The following GRIP1 variants were observed in gnomAD, a reference collection of about 807,000 sequenced individuals.
GRIP1 encodes the protein glutamate receptor-interacting protein 1.
A neutral mutation model predicts 129.9 loss-of-function variants in GRIP1; 45 were observed. The observed-to-expected ratio is 0.35, with a 90% confidence interval of 0.27 to 0.44. The LOEUF (loss-of-function observed/expected upper bound fraction) is 0.44. Ranked by LOEUF, GRIP1 falls within the 20% of genes least tolerant of loss-of-function variation. GRIP1 has a pLI of 1.00. For synonymous variants in GRIP1, 530 were observed against 520.8 expected (o/e 1.02, Z -0.24); for missense variants, 1,196 against 1,396.8 (o/e 0.86, Z 2.29).
At chr12:67,059,262 T>G (rs1034703830) in intron 1 of GRIP1, among the ~76,000 whole-genome samples, 2 of 152,170 alleles carry the variant, frequency 1.3e-5, no homozygotes, top group African/African-American at 4.8e-5. Flanking sequence ...AGAAAAGGCC[T>G]CGGTAGAAGG....
At chr12:66,425,524 G>A (rs540718599) in intron 14 of GRIP1, among the ~76,000 whole-genome samples, 5 of 152,114 alleles carry the variant, frequency 3.3e-5, no homozygotes, top group African/African-American at 4.8e-5. Flanking sequence ...ACATGCACAC[G>A]TATGTTTATT....
intron 1 of GRIP1, among the ~76,000 whole-genome samples, chr12:67,024,104 A>T (rs1349334230): frequency 6.6e-6 from 1 of 151,206 alleles, no homozygotes; most frequent in Non-Finnish European, 1.5e-5. Context: ...ACACTTGGGG[A>T]TCTTTGAATC....
intron 1 of GRIP1, among the ~76,000 whole-genome samples, chr12:66,650,721 C>A (rs1025923321): frequency 6.6e-6 from 1 of 152,154 alleles, no homozygotes; most frequent in African/African-American, 2.4e-5. Flanking sequence ...GAGCATAGGA[C>A]TGGCCAACCC....
chr12:66,448,330 C>T (rs2058688154), intron 11 of GRIP1, among the ~76,000 whole-genome samples: 1 of 152,140 alleles, frequency 6.6e-6, no homozygotes, highest in African/African-American at 2.4e-5. Flanking sequence ...AAATTCTATC[C>T]ATTGCTAAAT....
Position 66,925,585 on chromosome 12 carries a change from C to T in GRIP1, c.58+143465G>A, listed in dbSNP as rs565789525. Among the ~76,000 whole-genome samples the T allele has an allele frequency of 1.1e-4, 17 of 152,190 alleles. No individual in the cohort carries two copies. In the South Asian group the frequency reaches 3.3e-3, roughly 30 times the overall value. ...ATTTCCAAACCTGGAGAATATACTA[C>T]GAATATAGATTATACTATAATCTAC... is the stretch of plus-strand genomic sequence containing the variant. On this transcript the variant is annotated intron_variant, in intron 1 of 1. Transcript: ENST00000643019.
intron 1 of GRIP1, among the ~76,000 whole-genome samples, chr12:67,050,410 G>A (rs929497644): frequency 4.6e-5 from 7 of 152,136 alleles, no homozygotes; most frequent in Admixed American, 3.9e-4. Context: ...GTAATTCATT[G>A]TTTAAGGGCA....
At chr12:66,592,346 C>T (rs2063878278) in intron 2 of GRIP1, among the ~76,000 whole-genome samples, 1 of 152,146 alleles carries the variant, frequency 6.6e-6, no homozygotes, top group South Asian at 2.1e-4. Flanking sequence ...CTTCCAAATA[C>T]CTAAATGTGA....
chr12:66,578,219 T>C (rs1008043878), intron 2 of GRIP1, among the ~76,000 whole-genome samples: 2 of 118,962 alleles, frequency 1.7e-5, no homozygotes, highest in African/African-American at 6.3e-5. Context: ...CTGACTAATA[T>C]GGCAAAACCG....
intron 1 of GRIP1, among the ~76,000 whole-genome samples, chr12:67,027,604 C>T (rs2042958940): frequency 6.6e-6 from 1 of 152,146 alleles, no homozygotes; most frequent in African/African-American, 2.4e-5. Flanking sequence ...TGATTAGAAG[C>T]ACAGAGTGCA....
intron 1 of GRIP1, among the ~76,000 whole-genome samples, chr12:66,963,542 T>C (rs997166894): frequency 1.3e-5 from 2 of 152,198 alleles, no homozygotes; most frequent in Admixed American, 6.5e-5. Flanking sequence ...AGCTAGAATC[T>C]GAACTACATA....
At position 66,596,995 on chromosome 12, in the gene GRIP1, G is replaced by A. The variant is rs1440666203; in HGVS notation, c.56-68C>T. 1.8e-5 allele frequency: 19 copies of A among 1,034,756 alleles called. No homozygotes were observed. The African/African-American group carries it at 1.9e-4, about 10-fold the overall frequency. 64.1% of individuals were successfully genotyped at this position (1,034,756 alleles called of 1,614,324 possible). A position where few individuals can be genotyped will look rare whatever the true frequency, so the allele number is the denominator to read the frequency against. The stretch of plus-strand genomic sequence containing the variant: ...TTCTAATGCAGTGAAGATTTTTAAC[G>A]GATTGCAATCCTTCTGCGAGAGAGA... On this transcript the variant is annotated intron_variant, in intron 1 of 24. Transcript: ENST00000359742.
chr12:66,775,359 A>T (rs1007006317), intron 1 of GRIP1, among the ~76,000 whole-genome samples: 1 of 152,230 alleles, frequency 6.6e-6, no homozygotes, highest in Non-Finnish European at 1.5e-5. Flanking sequence ...AGGAGTCATC[A>T]GTTGGCATCT....
At chr12:66,515,595 C>A in intron 7 of GRIP1, 24 bp downstream of exon 7, 1 of 1,606,120 alleles carries the variant, frequency 6.2e-7, no homozygotes, top group Non-Finnish European at 8.5e-7. Context: ...GCTTAGAGAT[C>A]ACACCCTCAG....
At chr12:66,595,810 A>G (rs1466116409) in intron 2 of GRIP1, among the ~76,000 whole-genome samples, 1 of 152,234 alleles carries the variant, frequency 6.6e-6, no homozygotes, top group African/African-American at 2.4e-5. Context: ...AATGAATCTG[A>G]GCCTTTGGAA....
intron 7 of GRIP1, among the ~76,000 whole-genome samples, chr12:66,506,601 A>C (rs545029672): frequency 6.6e-5 from 10 of 152,316 alleles, no homozygotes; most frequent in African/African-American, 2.4e-4. Context: ...ACCTCGATGG[A>C]GAACACATAA....
At chr12:66,618,272 G>T (rs539360458) in intron 1 of GRIP1, among the ~76,000 whole-genome samples, 2 of 152,310 alleles carry the variant, frequency 1.3e-5, no homozygotes, top group Non-Finnish European at 2.9e-5. Flanking sequence ...GTGCAGAGCA[G>T]TGTGCATATG....
Position 66,620,288 on chromosome 12 carries a change from C to T in GRIP1, c.56-23361G>A, listed in dbSNP as rs1056645146. On this transcript the variant is annotated intron_variant, in intron 1 of 24. Coordinates refer to ENST00000359742, the MANE Select transcript of GRIP1 (RefSeq NM_001366722.1). Reference sequence around the variant, plus strand: ...CCTAAAGGTATTTTGATGATTTCTGCCAATGATCTGCTGAGGGAGCTCTCA... The same window carrying T: ...CCTAAAGGTATTTTGATGATTTCTGTCAATGATCTGCTGAGGGAGCTCTCA... Among the ~76,000 whole-genome samples, 28 of 152,174 alleles carry T rather than the reference C, an allele frequency of 1.8e-4. 1 individual carries two copies. The highest frequency in any genetic ancestry group is 6.0e-4 in the African/African-American group (25 of 41,452).
At chr12:66,951,046 A>C (rs2041748780) in intron 1 of GRIP1, among the ~76,000 whole-genome samples, 2 of 152,218 alleles carry the variant, frequency 1.3e-5, no homozygotes, top group African/African-American at 2.4e-5. Flanking sequence ...CATTTTAGGC[A>C]ATGGAAGGAA....
At chr12:67,007,399 TTTCTC>T in intron 1 of GRIP1, among the ~76,000 whole-genome samples, 1 of 152,188 alleles carries the variant, frequency 6.6e-6, no homozygotes, top group Admixed American at 6.5e-5. Context: ...ACAACCTGCC[TTTCTC>T]TTCAATACTT....
Sources: allele counts gnomAD v4.1 joint callset (sites outside exome capture counted in the v4.1 genomes callset), GRCh38; gene constraint gnomAD v4.1.1; transcripts MANE v1.5; gene names NCBI Gene and HGNC (gene_info 2026-07-23, HGNC 2026-07-21).